CEP112: variants seen among roughly 807,000 people sequenced by gnomAD.
CEP112 encodes the protein centrosomal protein 112, also known as centrosomal protein of 112 kDa.
CEP112 carries 127 observed loss-of-function variants against 153.0 expected under a neutral mutation model. The ratio of observed to expected loss-of-function variants is 0.83; its 90% CI spans 0.72 to 0.96. The LOEUF (loss-of-function observed/expected upper bound fraction) is 0.96, where lower values mean the gene tolerates loss of function less well. Among genes scored for constraint, CEP112 ranks in the 40% least tolerant of loss-of-function variants. CEP112 has a pLI of 0.00. For synonymous variants in CEP112, 358 were observed against 374.4 expected (o/e 0.96, Z 0.51); for missense variants, 1,089 against 1,101.2 (o/e 0.99, Z 0.16).
intron 8 of CEP112, among the ~76,000 whole-genome samples, chr17:66,079,672 T>A (rs1381334194): frequency 1.3e-5 from 2 of 152,162 alleles, no homozygotes; most frequent in African/African-American, 4.8e-5. Context: ...AAATTTCATA[T>A]GCAACCAAAG....
intron 6 of CEP112, among the ~76,000 whole-genome samples, chr17:66,098,325 G>C (rs926272002): frequency 1.3e-5 from 2 of 152,150 alleles, no homozygotes; most frequent in South Asian, 4.2e-4. Flanking sequence ...ATTTCTTTAA[G>C]GTTTTTCTTT....
At chr17:65,728,784 T>C (rs1462060991) in intron 23 of CEP112, among the ~76,000 whole-genome samples, 1 of 152,142 alleles carries the variant, frequency 6.6e-6, no homozygotes, top group Non-Finnish European at 1.5e-5. Context: ...TGAATGGAGC[T>C]TGCGGGACTG....
rs753950356 is a variant in CEP112 at position 65,689,178 on chromosome 17, C to T, written c.2648G>A (p.Arg883Gln). 1.5e-5 allele frequency: 24 copies of T among 1,613,548 alleles called. No individual in the cohort carries two copies. The highest frequency in any genetic ancestry group is 1.1e-4 in the South Asian group (10 of 91,068). Residue 883 changes from arginine (R) to glutamine (Q), a missense_variant, in exon 24 of 27, where the codon CGA becomes CAA. Transcript: ENST00000535342. ...GTGTTGTAATTTTTTCTCTGCACAT[C>T]GCACCTGATTAGAACGGTTTTCTAA... is the stretch of plus-strand genomic sequence containing the variant. Reference protein sequence around the residue: ...DELENRSNQVRCAEKKLQHKE... With the variant: ...DELENRSNQVQCAEKKLQHKE...
At chr17:65,830,881 G>A (rs545964987) in intron 21 of CEP112, among the ~76,000 whole-genome samples, 1 of 152,164 alleles carries the variant, frequency 6.6e-6, no homozygotes, top group East Asian at 1.9e-4. Context: ...GGCAGGCAGT[G>A]ATTTTGTTTC....
chr17:66,084,826 G>C (rs1297094622), intron 8 of CEP112, among the ~76,000 whole-genome samples: 1 of 152,116 alleles, frequency 6.6e-6, no homozygotes, highest in Non-Finnish European at 1.5e-5. Flanking sequence ...TAGATTGTTT[G>C]TAACACAAAG....
intron 4 of CEP112, among the ~76,000 whole-genome samples, chr17:66,153,293 T>C (rs1687894732): frequency 6.6e-6 from 1 of 152,000 alleles, no homozygotes. Context: ...CAAATATCCA[T>C]TAACTGGTGA....
intron 17 of CEP112, among the ~76,000 whole-genome samples, chr17:65,963,656 G>T (rs1013297656): frequency 8.8e-5 from 13 of 147,284 alleles, no homozygotes; most frequent in African/African-American, 3.4e-4. Flanking sequence ...TATCGATATA[G>T]ATATAGATAT....
At chr17:65,653,829 G>C (rs1241641415) in intron 24 of CEP112, among the ~76,000 whole-genome samples, 1 of 152,090 alleles carries the variant, frequency 6.6e-6, no homozygotes, top group African/African-American at 2.4e-5. Context: ...GGGAGCCAGA[G>C]GCGGGCAGAC....
intron 24 of CEP112, among the ~76,000 whole-genome samples, chr17:65,671,433 A>G (rs1400745158): frequency 7.2e-5 from 11 of 152,220 alleles, no homozygotes; most frequent in Admixed American, 7.2e-4. Flanking sequence ...TGTACGGACA[A>G]GAAGAATGGT....
chr17:66,178,072 T>C (rs539868245), intron 2 of CEP112, among the ~76,000 whole-genome samples: 1 of 152,326 alleles, frequency 6.6e-6, no homozygotes, highest in East Asian at 1.9e-4. Context: ...CTTTGGGGTA[T>C]ATAACTAGCA....
intron 4 of CEP112, among the ~76,000 whole-genome samples, chr17:66,166,888 A>G (rs1053185805): frequency 5.0e-5 from 7 of 138,866 alleles, no homozygotes; most frequent in Non-Finnish European, 9.3e-5. Context: ...TGGGTGACAG[A>G]GCAAGACTCC....
intron 23 of CEP112, among the ~76,000 whole-genome samples, chr17:65,700,626 T>C (rs1325037478): frequency 1.3e-5 from 2 of 152,044 alleles, no homozygotes; most frequent in Admixed American, 6.5e-5. Context: ...CTCAAACTTA[T>C]CAAGTCCAAG....
chr17:66,147,155 A>C (rs1221198822), intron 4 of CEP112, among the ~76,000 whole-genome samples: 1 of 149,088 alleles, frequency 6.7e-6, no homozygotes, highest in Non-Finnish European at 1.5e-5. Context: ...CAATTTCTCC[A>C]CATTCTCACC....
At chr17:65,757,174 C>A (rs1460633135) in intron 21 of CEP112, among the ~76,000 whole-genome samples, 3 of 152,114 alleles carry the variant, frequency 2.0e-5, no homozygotes, top group Non-Finnish European at 4.4e-5. Context: ...CTTCTAGCTT[C>A]CAGAGCTGTG....
At chr17:65,675,563 C>T (rs7212230) in intron 24 of CEP112, among the ~76,000 whole-genome samples, 75,124 of 151,864 alleles carry the variant, frequency 0.49, 19,069 homozygotes, top group African/African-American at 0.59. Flanking sequence ...TTCCAGAAAA[C>T]AGAGACAGAA....
intron 10 of CEP112, among the ~76,000 whole-genome samples, chr17:66,065,260 A>G (rs2067071001): frequency 6.6e-6 from 1 of 152,186 alleles, no homozygotes; most frequent in Non-Finnish European, 1.5e-5. Context: ...CAGGGACTTT[A>G]TATATTATTT....
chr17:65,755,359 T>C (rs1284342921), intron 21 of CEP112, among the ~76,000 whole-genome samples: 1 of 152,130 alleles, frequency 6.6e-6, no homozygotes, highest in Non-Finnish European at 1.5e-5. Flanking sequence ...CTCACTGTTA[T>C]AAGAACAGCA....
intron 12 of CEP112, among the ~76,000 whole-genome samples, chr17:66,032,781 G>A (rs1327711026): frequency 6.6e-6 from 1 of 152,202 alleles, no homozygotes; most frequent in Non-Finnish European, 1.5e-5. Context: ...TATTGAAATT[G>A]TAAAACATAT....
chr17:66,180,141 A>G (rs554403746), intron 2 of CEP112, among the ~76,000 whole-genome samples: 1 of 152,144 alleles, frequency 6.6e-6, no homozygotes, highest in Admixed American at 6.5e-5. Context: ...ACTGGCCTGT[A>G]GTTTTCTTTC....
Sources: allele counts gnomAD v4.1 joint callset (sites outside exome capture counted in the v4.1 genomes callset), GRCh38; gene constraint gnomAD v4.1.1; transcripts MANE v1.5; gene names NCBI Gene and HGNC (gene_info 2026-07-23, HGNC 2026-07-21).